NELL2: variants seen among roughly 807,000 people sequenced by gnomAD.
NELL2 encodes the protein protein kinase C-binding protein NELL2.
A neutral mutation model predicts 109.6 loss-of-function variants in NELL2; 41 were observed. The ratio of observed to expected loss-of-function variants is 0.37; its 90% CI spans 0.29 to 0.49. The LOEUF (loss-of-function observed/expected upper bound fraction) is 0.49. Among genes scored for constraint, NELL2 ranks in the 20% least tolerant of loss-of-function variants. NELL2 has a pLI of 0.98. For synonymous variants in NELL2, 355 were observed against 344.7 expected, an observed-to-expected ratio of 1.03 and a Z score of -0.33; for missense variants, 900 against 1,008.3, an observed-to-expected ratio of 0.89 and a Z score of 1.45.
intron 15 of NELL2, among the ~76,000 whole-genome samples, chr12:44,592,437 C>T (rs1944787763): frequency 6.6e-6 from 1 of 152,036 alleles, no homozygotes; most frequent in Non-Finnish European, 1.5e-5. Context: ...GAAAGTGATG[C>T]TTTGTTTCCC....
At chr12:44,669,882 T>G (rs1345593701) in intron 12 of NELL2, among the ~76,000 whole-genome samples, 12 of 152,124 alleles carry the variant, frequency 7.9e-5, no homozygotes, top group Admixed American at 7.9e-4. Flanking sequence ...ACTCTAAACA[T>G]CCAGATACAT....
chr12:44,672,590 T>A (rs1948177941), intron 12 of NELL2, among the ~76,000 whole-genome samples: 1 of 152,188 alleles, frequency 6.6e-6, no homozygotes, highest in Non-Finnish European at 1.5e-5. Flanking sequence ...ATTGAACTCA[T>A]AAGTATGTGT....
chr12:44,515,770 C>T (rs1941232578), intron 19 of NELL2, among the ~76,000 whole-genome samples: 1 of 151,824 alleles, frequency 6.6e-6, no homozygotes, highest in South Asian at 2.1e-4. Context: ...TAAGACCCTG[C>T]TATTTTTGGC....
intron 3 of NELL2, among the ~76,000 whole-genome samples, chr12:44,791,105 A>G (rs1468592533): frequency 1.9e-4 from 5 of 25,644 alleles, no homozygotes; most frequent in African/African-American, 7.2e-4. Context: ...ATGTATATAT[A>G]TATGTATATA....
chr12:44,624,994 GTGTATATA>G (rs1194731256), intron 13 of NELL2, among the ~76,000 whole-genome samples: 4,043 of 118,626 alleles, frequency 0.034, 127 homozygotes, highest in African/African-American at 0.056. Flanking sequence ...ATATATGTGT[GTGTATATA>G]TATATATATA....
At chr12:44,851,215 C>T (rs1944525781) in intron 2 of NELL2, among the ~76,000 whole-genome samples, 3 of 151,960 alleles carry the variant, frequency 2.0e-5, no homozygotes, top group South Asian at 2.1e-4. Flanking sequence ...TACTGGAAAC[C>T]GTAATGACAT....
In NELL2 at chr12:44,900,293, C is replaced by T. The variant is rs142293066; in HGVS notation, c.38+13506G>A. On this transcript the variant is annotated intron_variant, in intron 1 of 20. Transcript: ENST00000333837. ...GACATCTACTGAACTGTCCACTCCA[C>T]ATCAATAGAATATACATTCTTCTCA... is the stretch of plus-strand genomic sequence containing the variant. Among the ~76,000 whole-genome samples the T allele has an allele frequency of 5.1e-3, 777 of 152,192 alleles. 20 individuals carry two copies. The highest frequency in any genetic ancestry group is 0.039 in the East Asian group (204 of 5,170).
chr12:44,826,289 T>C (rs1165871334), intron 2 of NELL2, among the ~76,000 whole-genome samples: 1 of 152,198 alleles, frequency 6.6e-6, no homozygotes, highest in Non-Finnish European at 1.5e-5. Flanking sequence ...AACTGTCTAA[T>C]TTCAGACATA....
chr12:44,584,323 T>C (rs1162967254), intron 15 of NELL2, among the ~76,000 whole-genome samples: 1 of 152,196 alleles, frequency 6.6e-6, no homozygotes, highest in African/African-American at 2.4e-5. Flanking sequence ...GTGGGACAAA[T>C]AGCTAAGTGA....
At chr12:44,599,570 T>A (rs573670324) in intron 15 of NELL2, among the ~76,000 whole-genome samples, 1 of 151,906 alleles carries the variant, frequency 6.6e-6, no homozygotes, top group Non-Finnish European at 1.5e-5. Context: ...ATGAAAAGTA[T>A]AAAAGAAAGT....
intron 2 of NELL2, among the ~76,000 whole-genome samples, chr12:44,858,444 A>C (rs184636583): frequency 6.6e-6 from 1 of 152,322 alleles, no homozygotes; most frequent in African/African-American, 2.4e-5. Flanking sequence ...GAAGACTATT[A>C]GCAGAGGCGT....
At chr12:44,595,413 T>C (rs1944916149) in intron 15 of NELL2, among the ~76,000 whole-genome samples, 1 of 151,360 alleles carries the variant, frequency 6.6e-6, no homozygotes, top group Non-Finnish European at 1.5e-5. Context: ...AATATAAGAG[T>C]TACTTTAACT....
At chr12:44,914,025 ATCTGGCAGTTACC>A (rs1277211742), upstream of NELL2, 3 of 265,222 alleles carry the variant, frequency 1.1e-5, no homozygotes, top group Non-Finnish European at 2.2e-5. Flanking sequence ...TATAGACAGA[ATCTGGCAGTTACC>A]ATCTCCACCC....
Position 44,658,687 on chromosome 12 carries a change from T to TA in NELL2, c.1444+6796dup, listed in dbSNP as rs1294921350. Reference sequence around the variant, plus strand: ...GTCAGGAGATCGAGACCATCCTGCCTAACATGGTGAAACCCTGTCTCTACT... The same window carrying TA: ...GTCAGGAGATCGAGACCATCCTGCCTAAACATGGTGAAACCCTGTCTCTACT... On this transcript the variant is annotated intron_variant, in intron 13 of 19. Transcript: ENST00000429094. Among the ~76,000 whole-genome samples, 11 of 151,818 alleles carry TA rather than the reference T, an allele frequency of 7.2e-5. No individual in the cohort carries two copies. The East Asian group carries it at 2.1e-3, about 29-fold the overall frequency.
chr12:44,770,083 A>C (rs1165124476), intron 9 of NELL2, among the ~76,000 whole-genome samples: 1 of 152,156 alleles, frequency 6.6e-6, no homozygotes, highest in African/African-American at 2.4e-5. Flanking sequence ...ACCTGGCTTC[A>C]TTATTCTTCT....
chr12:44,777,151 C>A, intron 6 of NELL2, 27 bp from the exon 7 acceptor site: 5 of 1,613,034 alleles, frequency 3.1e-6, no homozygotes, highest in Non-Finnish European at 1.7e-6. Flanking sequence ...TACATTTGGT[C>A]AAGATGCATT....
chr12:44,808,607 G>T (rs1008000118), intron 3 of NELL2, among the ~76,000 whole-genome samples: 10 of 151,968 alleles, frequency 6.6e-5, no homozygotes, highest in African/African-American at 2.4e-4. Flanking sequence ...ATTAAATAAA[G>T]TGCAAGCAGA....
chr12:44,791,898 G>T (rs960718877), intron 3 of NELL2, among the ~76,000 whole-genome samples: 2 of 151,890 alleles, frequency 1.3e-5, no homozygotes, highest in Non-Finnish European at 2.9e-5. Flanking sequence ...GGGGTAACAG[G>T]CATATAGACC....
At chr12:44,592,874 G>C (rs1424726908) in intron 15 of NELL2, among the ~76,000 whole-genome samples, 1 of 152,188 alleles carries the variant, frequency 6.6e-6, no homozygotes, top group Non-Finnish European at 1.5e-5. Context: ...TTTGTGAGAA[G>C]AAATAGCCAA....
Sources: gnomAD v4.1 joint callset for allele counts (sites outside exome capture counted in the v4.1 genomes callset) on GRCh38, gnomAD v4.1.1 for gene constraint, MANE v1.5 for transcripts, NCBI Gene and HGNC (gene_info 2026-07-23, HGNC 2026-07-21) for gene names.